Variants in SMAP2 observed in about 807,000 individuals in gnomAD.
SMAP2 encodes small ArfGAP2.
SMAP2 carries 25 observed loss-of-function variants against 56.4 expected under a neutral mutation model. The ratio of observed to expected loss-of-function variants is 0.44; its 90% CI spans 0.32 to 0.62. The LOEUF is 0.62. SMAP2 is among the 20% of genes least tolerant of loss of function. The probability of loss-of-function intolerance (pLI) is 0.04; values close to 1 mark genes in which losing one functional copy is unlikely to be tolerated. For synonymous variants in SMAP2, 157 were observed against 181.7 expected (o/e 0.86, Z 1.09); for missense variants, 388 against 545.6 (o/e 0.71, Z 2.88).
rs542505 is a variant in SMAP2, at chr1:40,345,893, A to G, written c.-83+983A>G. 6.5e-3 allele frequency among the ~76,000 whole-genome samples: 754 copies of G among 115,136 alleles called. 5 individuals are homozygous for G. Among genetic ancestry groups the G allele is most frequent in the African/African-American group, 0.034 (725 of 21,156 alleles). 75.5% of individuals were successfully genotyped at this position (115,136 alleles called of 152,430 possible). A position where few individuals can be genotyped will look rare whatever the true frequency, so the allele number is the denominator to read the frequency against. ...ATATTGTATTATATTGTATTGTATTATATTATATTATATTATATTATATTA... is the reference window on the plus strand; with the variant it reads ...ATATTGTATTATATTGTATTGTATTGTATTATATTATATTATATTATATTA... On this transcript the variant is annotated intron_variant, in intron 1 of 6. Transcript: ENST00000435168.
chr1:40,410,726 G>A (rs1400381888), intron 4 of SMAP2, among the ~76,000 whole-genome samples: 2 of 152,062 alleles, frequency 1.3e-5, no homozygotes, highest in African/African-American at 4.8e-5. Context: ...ATGATAACTA[G>A]GACAAATATA....
Position 40,373,922 on chromosome 1 carries a change from C to G in SMAP2, c.-199C>G. On this transcript the variant is annotated 5_prime_UTR_variant, in exon 1 of 10. Coordinates refer to ENST00000372718, the MANE Select transcript of SMAP2 (RefSeq NM_022733.3). The stretch of plus-strand genomic sequence containing the variant: ...CTGTCCCTAAGCCCGCCAAGGGGCG[C>G]CGCGCCGAGGGGCTGCGGAGTGGGG... 1 of 535,584 alleles carries G rather than the reference C, an allele frequency of 1.9e-6. No individual in the cohort carries two copies. The highest frequency in any genetic ancestry group is 3.3e-6 in the Non-Finnish European group (1 of 299,362). 33.2% of individuals were successfully genotyped at this position (535,584 alleles called of 1,614,324 possible).
Position 40,367,951 on chromosome 1 carries a change from G to A in SMAP2, c.55+5515G>A, listed in dbSNP as rs1327465197. 1.7e-4 allele frequency among the ~76,000 whole-genome samples: 22 copies of A among 128,418 alleles called. 1 individual carries two copies. Among genetic ancestry groups the A allele is most frequent in the East Asian group, 1.4e-3 (6 of 4,208 alleles). 84.2% of individuals were successfully genotyped at this position (128,418 alleles called of 152,430 possible). ...AAAGGATCAACAAAATTGATAGACC[G>A]CTAGCAAGACTAATAAAGAAAAAAA... On this transcript the variant is annotated intron_variant, in intron 2 of 6. Transcript: ENST00000435168.
chr1:40,355,257 G>T (rs1644430348), intron 1 of SMAP2, among the ~76,000 whole-genome samples: 1 of 152,140 alleles, frequency 6.6e-6, no homozygotes, highest in Admixed American at 6.6e-5. Flanking sequence ...TATGATAGTG[G>T]TGCTTTTGCC....
In SMAP2 at chr1:40,421,809, C is replaced by T. The variant is rs183068470; in HGVS notation, c.1165-167C>T. 1.0e-3 allele frequency among the ~76,000 whole-genome samples: 157 copies of T among 152,302 alleles called. 1 individual carries two copies. The highest frequency in any genetic ancestry group is 1.4e-3 in the Non-Finnish European group (94 of 68,028). On this transcript the variant is annotated intron_variant, in intron 9 of 9. Transcript: ENST00000372718. ...CCCAAAAGGTCATTCACGTACGTGG[C>T]CTTGAAATGATCTGACTGCTAAGGT... is the stretch of plus-strand genomic sequence containing the variant.
chr1:40,345,442 A>G (rs1421456402), intron 1 of SMAP2, among the ~76,000 whole-genome samples: 2 of 151,146 alleles, frequency 1.3e-5, no homozygotes, highest in Non-Finnish European at 2.9e-5. Flanking sequence ...AAAACGCTCT[A>G]TCAATTCATC....
intron 2 of SMAP2, among the ~76,000 whole-genome samples, chr1:40,407,254 G>T (rs1285264732): frequency 6.6e-6 from 1 of 152,180 alleles, no homozygotes; most frequent in Non-Finnish European, 1.5e-5. Flanking sequence ...TAAGGCCGAG[G>T]TGGGTGGATC....
upstream of SMAP2, among the ~76,000 whole-genome samples, chr1:40,373,360 G>A (rs1644510377): frequency 6.6e-6 from 1 of 152,204 alleles, no homozygotes; most frequent in Admixed American, 6.5e-5. Context: ...ACAACCCTCA[G>A]GTTACATAAG....
intron 1 of SMAP2, among the ~76,000 whole-genome samples, chr1:40,379,031 G>A (rs1054544195): frequency 4.7e-5 from 7 of 148,758 alleles, no homozygotes; most frequent in African/African-American, 7.5e-5. Context: ...CCAGGCTGGC[G>A]TGCGATGGCA....
intron 1 of SMAP2, among the ~76,000 whole-genome samples, chr1:40,377,315 T>C (rs1644550388): frequency 6.6e-6 from 1 of 152,124 alleles, no homozygotes; most frequent in Non-Finnish European, 1.5e-5. Context: ...ACACAACAAA[T>C]AAACATCAGA....
At position 40,374,141 on chromosome 1, in the gene SMAP2, G is replaced by A; in HGVS notation, c.21G>A (p.Lys7=). ...TGGCCATGACAGGCAAGTCGGTGAA[G>A]GACGTGGATCGGTACCAGGCTGTCC... MTGKSV[K]DVDRYQAVLA... Residue 7 remains lysine (K), a synonymous_variant, in exon 1 of 10, where the codon AAG becomes AAA. Transcript: ENST00000372718. The surrounding 1 kb of genome is among the most constrained non-coding windows in gnomAD (Gnocchi z 5.9). 6.2e-7 allele frequency: 1 copy of A among 1,613,426 alleles called. No individual in the cohort carries two copies. Among genetic ancestry groups the A allele is most frequent in the Non-Finnish European group, 8.5e-7 (1 of 1,179,712 alleles).
chr1:40,358,509 A>C (rs1475026065), intron 1 of SMAP2, among the ~76,000 whole-genome samples: 3 of 152,126 alleles, frequency 2.0e-5, no homozygotes, highest in Non-Finnish European at 4.4e-5. Flanking sequence ...ACACCATTGC[A>C]CTCTAGACTG....
intron 1 of SMAP2, among the ~76,000 whole-genome samples, chr1:40,359,844 T>A (rs945448467): frequency 2.0e-4 from 30 of 152,128 alleles, no homozygotes; most frequent in Admixed American, 1.9e-3. Flanking sequence ...TTTAACTTTT[T>A]GTCATTTCTG....
At chr1:40,348,564 G>A (rs781522621) in intron 1 of SMAP2, among the ~76,000 whole-genome samples, 21 of 151,762 alleles carry the variant, frequency 1.4e-4, no homozygotes, top group Non-Finnish European at 2.6e-4. Flanking sequence ...GCATGGTGGC[G>A]TGCACCAGAG....
At chr1:40,418,543 T>G (rs975792914) in intron 9 of SMAP2, among the ~76,000 whole-genome samples, 1 of 152,208 alleles carries the variant, frequency 6.6e-6, no homozygotes, top group African/African-American at 2.4e-5. Flanking sequence ...GAGCCCACTG[T>G]GTGTCTGGGA....
Position 40,421,038 on chromosome 1 carries a change from C to CT in SMAP2, c.1165-924dup, listed in dbSNP as rs749926230. Among the ~76,000 whole-genome samples, 349 of 133,258 alleles carry CT rather than the reference C, an allele frequency of 2.6e-3. 2 individuals carry two copies. Among genetic ancestry groups the CT allele is most frequent in the East Asian group, 0.019 (89 of 4,644 alleles). 87.4% of individuals were successfully genotyped at this position (133,258 alleles called of 152,430 possible). ...GAATGAAATGTCGTGATAGCTGCAG[C>CT]TTTTTTTTTTTTTTAATCTGCAACT... On this transcript the variant is annotated intron_variant, in intron 9 of 9. Transcript: ENST00000372718.
chr1:40,401,034 C>T (rs545810805), intron 1 of SMAP2, among the ~76,000 whole-genome samples: 5 of 152,202 alleles, frequency 3.3e-5, no homozygotes, highest in South Asian at 4.2e-4. Context: ...CCGAGAAGGG[C>T]GGATCACTAG....
intron 4 of SMAP2, among the ~76,000 whole-genome samples, chr1:40,412,174 A>G (rs11810315): frequency 8.2e-4 from 125 of 152,194 alleles, no homozygotes; most frequent in African/African-American, 3.0e-3. Context: ...AACCTTTTTC[A>G]TATTTTGGAC....
Position 40,383,221 on chromosome 1 carries a change from C to T in SMAP2, c.103+8998C>T, listed in dbSNP as rs111850458. Among the ~76,000 whole-genome samples, 18 of 152,276 alleles carry T rather than the reference C, an allele frequency of 1.2e-4. 1 individual carries two copies. The highest frequency in any genetic ancestry group is 3.6e-4 in the African/African-American group (15 of 41,540). On this transcript the variant is annotated intron_variant, in intron 1 of 9. Transcript: ENST00000372718. ...CTGGTGTCACCAAGGGCTGGAAGTC[C>T]GAGTGGTCTGGTGTGAGCGGAAGCA...
Sources: gnomAD v4.1 joint callset for allele counts (sites outside exome capture counted in the v4.1 genomes callset) on GRCh38, gnomAD v4.1.1 for gene constraint, Gnocchi (gnomAD v3.1) non-coding constraint, MANE v1.5 for transcripts, NCBI Gene and HGNC (gene_info 2026-07-23, HGNC 2026-07-21) for gene names.